KMT5B: variants seen among roughly 807,000 people sequenced by gnomAD.
KMT5B encodes lysine methyltransferase 5B, also known as histone-lysine N-methyltransferase KMT5B.
KMT5B carries 10 observed loss-of-function variants against 83.2 expected under a neutral mutation model. That is an observed-to-expected ratio of 0.12 (90% confidence interval 0.07 to 0.20). KMT5B has a LOEUF of 0.20. Among genes scored for constraint, KMT5B ranks in the 10% least tolerant of loss-of-function variants. The pLI is 1.00. For missense variants in KMT5B, 753 were observed against 1,067.2 expected (o/e 0.71, Z 4.10); for synonymous variants, 349 against 388.8 (o/e 0.90, Z 1.20).
At chr11:68,187,545 A>G (rs754513656) in intron 2 of KMT5B, among the ~76,000 whole-genome samples, 1 of 152,192 alleles carries the variant, frequency 6.6e-6, no homozygotes, top group Non-Finnish European at 1.5e-5. Context: ...GTCACAGAAC[A>G]TACCTTTTAT....
At chr11:68,194,955 G>C (rs923244058) in intron 1 of KMT5B, among the ~76,000 whole-genome samples, 2 of 152,146 alleles carry the variant, frequency 1.3e-5, no homozygotes, top group Non-Finnish European at 2.9e-5. Context: ...CAAGAGGACT[G>C]CTTGAGGCCA....
chr11:68,190,502 T>A (rs1285265050), intron 1 of KMT5B, among the ~76,000 whole-genome samples: 2 of 152,214 alleles, frequency 1.3e-5, no homozygotes, highest in African/African-American at 4.8e-5. Context: ...TCACAGGAGA[T>A]GACAGCTCCA....
rs1214755263 is a variant in KMT5B, at chr11:68,212,434, T to C, written c.-77+704A>G. On this transcript the variant is annotated intron_variant, in intron 1 of 10. Transcript: ENST00000304363. ...CACTTAATAAATCGTTAAGTTACTG[T>C]TCCAGACCCGGGTCCAATAAACCCA... 2.6e-5 allele frequency among the ~76,000 whole-genome samples: 4 copies of C among 152,254 alleles called. No individual in the cohort carries two copies. The East Asian group carries it at 7.7e-4, about 29-fold the overall frequency.
chr11:68,206,917 G>A (rs1860186180), intron 1 of KMT5B, among the ~76,000 whole-genome samples: 1 of 152,174 alleles, frequency 6.6e-6, no homozygotes, highest in Admixed American at 6.5e-5. Context: ...GAGAAGGAAT[G>A]TAACTTCTGG....
At position 68,185,694 on chromosome 11, in the gene KMT5B, A is replaced by C; in HGVS notation, c.308+87T>G. The C allele has an allele frequency of 2.2e-6, 3 of 1,357,282 alleles. No homozygotes were observed. In the South Asian group the frequency reaches 4.7e-5, roughly 21 times the overall value. 84.1% of individuals were successfully genotyped at this position (1,357,282 alleles called of 1,614,324 possible). A position where few individuals can be genotyped will look rare whatever the true frequency, so the allele number is the denominator to read the frequency against. The stretch of plus-strand genomic sequence containing the variant: ...AGAACTTTCCTTTAATGTCATTTTA[A>C]ATTTTGAGCAAAAGTAAAATTAGCC... On this transcript the variant is annotated intron_variant, in intron 3 of 10. Coordinates refer to ENST00000304363, the MANE Select transcript of KMT5B (RefSeq NM_017635.5).
At chr11:68,184,985 CAT>C (rs1404403161) in intron 3 of KMT5B, among the ~76,000 whole-genome samples, 1 of 152,142 alleles carries the variant, frequency 6.6e-6, no homozygotes, top group Non-Finnish European at 1.5e-5. Flanking sequence ...TGAATATAAA[CAT>C]GTCTTTAAAA....
intron 1 of KMT5B, among the ~76,000 whole-genome samples, chr11:68,201,793 G>A (rs1859472400): frequency 6.6e-6 from 1 of 151,878 alleles, no homozygotes; most frequent in Non-Finnish European, 1.5e-5. Context: ...TAAAAAGTAG[G>A]TTCTGGCTGG....
At chr11:68,188,119 G>A (rs957428975) in intron 2 of KMT5B, among the ~76,000 whole-genome samples, 1 of 151,254 alleles carries the variant, frequency 6.6e-6, no homozygotes, top group African/African-American at 2.4e-5. Context: ...CTGCCTCCCG[G>A]GTTCACACCA....
chr11:68,181,676 T>G (rs1413603495), intron 3 of KMT5B, among the ~76,000 whole-genome samples: 1 of 152,246 alleles, frequency 6.6e-6, no homozygotes. Context: ...CCTTATTTTC[T>G]AAAGTCACAT....
intron 1 of KMT5B, among the ~76,000 whole-genome samples, chr11:68,191,950 T>C (rs974206344): frequency 6.6e-6 from 1 of 152,184 alleles, no homozygotes; most frequent in African/African-American, 2.4e-5. Flanking sequence ...TAAAATCTTT[T>C]ATTCTGTATT....
At chr11:68,203,513 T>C (rs1223798988) in intron 1 of KMT5B, among the ~76,000 whole-genome samples, 1 of 152,358 alleles carries the variant, frequency 6.6e-6, no homozygotes, top group Non-Finnish European at 1.5e-5. Flanking sequence ...CACGGAATCC[T>C]ATGGTATCAA....
At chr11:68,194,325 G>A (rs1442841567) in intron 1 of KMT5B, among the ~76,000 whole-genome samples, 2 of 151,454 alleles carry the variant, frequency 1.3e-5, no homozygotes, top group Non-Finnish European at 2.9e-5. Flanking sequence ...CTAAGTAGCT[G>A]GAATTACAGG....
chr11:68,172,392 G>A (rs1855919963), intron 6 of KMT5B, among the ~76,000 whole-genome samples: 1 of 148,288 alleles, frequency 6.7e-6, no homozygotes, highest in South Asian at 2.1e-4. Context: ...ACCACACCTA[G>A]CTCATTTTTT....
At chr11:68,181,856 C>G (rs921506517) in intron 3 of KMT5B, among the ~76,000 whole-genome samples, 1 of 152,162 alleles carries the variant, frequency 6.6e-6, no homozygotes, top group African/African-American at 2.4e-5. Flanking sequence ...TAAAAGCACA[C>G]GTAAACGGAA....
At chr11:68,199,240 T>C (rs952577274) in intron 1 of KMT5B, among the ~76,000 whole-genome samples, 2 of 152,118 alleles carry the variant, frequency 1.3e-5, no homozygotes, top group Admixed American at 1.3e-4. Context: ...GTGCTTATAT[T>C]CTAATGGAAA....
At chr11:68,198,182 G>A (rs1017657244) in intron 1 of KMT5B, among the ~76,000 whole-genome samples, 2 of 152,118 alleles carry the variant, frequency 1.3e-5, no homozygotes, top group Non-Finnish European at 1.5e-5. Flanking sequence ...TCAGGAGTTC[G>A]AGACCAGCCT....
chr11:68,179,277 T>C (rs140087037), intron 4 of KMT5B, among the ~76,000 whole-genome samples: 122 of 152,294 alleles, frequency 8.0e-4, no homozygotes, highest in African/African-American at 2.9e-3. Flanking sequence ...TTATTTGGCA[T>C]TTCCAAACCA....
chr11:68,182,147 T>G (rs1856995484), intron 3 of KMT5B, among the ~76,000 whole-genome samples: 1 of 152,238 alleles, frequency 6.6e-6, no homozygotes, highest in African/African-American at 2.4e-5. Context: ...GTTAATGTCT[T>G]GAGTTCCAAA....
intron 3 of KMT5B, 37 bp downstream of exon 3, chr11:68,185,744 A>C (rs762385113): frequency 1.0e-5 from 16 of 1,548,836 alleles, no homozygotes; most frequent in Non-Finnish European, 1.4e-5. Flanking sequence ...ATTCAACATA[A>C]TCATCTGTTC....
Sources: allele counts gnomAD v4.1 joint callset (sites outside exome capture counted in the v4.1 genomes callset), GRCh38; gene constraint gnomAD v4.1.1; transcripts MANE v1.5; gene names NCBI Gene and HGNC (gene_info 2026-07-23, HGNC 2026-07-21).